STARD13: variants seen among roughly 807,000 people sequenced by gnomAD.
STARD13 encodes the protein stAR-related lipid transfer protein 13.
A neutral mutation model predicts 106.4 loss-of-function variants in STARD13; 62 were observed. The observed-to-expected ratio is 0.58, with a 90% CI of 0.48 to 0.72. The LOEUF is 0.72. Among genes scored for constraint, STARD13 ranks in the 30% least tolerant of loss-of-function variants. The pLI is 0.00. For synonymous variants in STARD13, 565 were observed against 553.0 expected (o/e 1.02, Z -0.31); for missense variants, 1,387 against 1,424.0 (o/e 0.97, Z 0.42).
At chr13:33,423,580 G>C in the STARD13 span, among the ~76,000 whole-genome samples, 1 of 152,092 alleles carries the variant, frequency 6.6e-6, no homozygotes, top group Admixed American at 6.5e-5. Context: ...TTGACCCAGC[G>C]ATCCCATTAC....
intron 3 of STARD13, among the ~76,000 whole-genome samples, chr13:33,149,707 G>C (rs1881014123): frequency 6.6e-6 from 1 of 152,146 alleles, no homozygotes; most frequent in Non-Finnish European, 1.5e-5. Context: ...ATAAACAATG[G>C]CTAGATTCTG....
At chr13:33,630,904 A>G in the STARD13 span, among the ~76,000 whole-genome samples, 1 of 152,330 alleles carries the variant, frequency 6.6e-6, no homozygotes, top group African/African-American at 2.4e-5. Context: ...TCTTACTGGT[A>G]TAGTTACTGA....
the STARD13 span, among the ~76,000 whole-genome samples, chr13:33,650,982 A>C: frequency 6.6e-6 from 1 of 152,240 alleles, no homozygotes; most frequent in African/African-American, 2.4e-5. Flanking sequence ...GTGAAAAATA[A>C]ATTTCTGTTT....
the STARD13 span, among the ~76,000 whole-genome samples, chr13:33,578,615 C>A: frequency 6.6e-6 from 1 of 151,978 alleles, no homozygotes; most frequent in Non-Finnish European, 1.5e-5. Context: ...ATTAAGACCC[C>A]AAAATCAAAT....
intron 1 of STARD13, among the ~76,000 whole-genome samples, chr13:33,263,669 A>T (rs148740734): frequency 2.0e-4 from 31 of 152,278 alleles, no homozygotes; most frequent in Admixed American, 1.3e-4. Flanking sequence ...AATTGGTGCA[A>T]TGCAGCTGGC....
the STARD13 span, among the ~76,000 whole-genome samples, chr13:33,410,060 C>T: frequency 3.3e-4 from 50 of 152,332 alleles, no homozygotes; most frequent in African/African-American, 1.1e-3. Context: ...CAGAATTCCT[C>T]TAATCTGCCA....
chr13:33,650,164 A>ATGT, the STARD13 span, among the ~76,000 whole-genome samples: 25 of 48,374 alleles, frequency 5.2e-4, 2 homozygotes, highest in African/African-American at 1.9e-3. Context: ...CGTGACTCCA[A>ATGT]TTTTTTTTTT....
chr13:33,627,473 C>G, the STARD13 span, among the ~76,000 whole-genome samples: 1 of 151,986 alleles, frequency 6.6e-6, no homozygotes, highest in Admixed American at 6.5e-5. Context: ...CCCGTCTCTA[C>G]TAAAAATACA....
At position 33,350,545 on chromosome 13, in the gene STARD13, C is replaced by A. The variant is rs2078066643; in HGVS notation, c.-132G>T. 3 of 1,431,270 alleles carry A rather than the reference C, an allele frequency of 2.1e-6. No individual in the cohort carries two copies. The Admixed American group carries it at 7.3e-5, about 35-fold the overall frequency. 88.7% of individuals were successfully genotyped at this position (1,431,270 alleles called of 1,614,324 possible). On this transcript the variant is annotated 5_prime_UTR_variant, in exon 1 of 2. Transcript: ENST00000439831. Reference sequence around the variant, plus strand: ...GGGGTCCCGGGACCCAATGCGGGCGCGACATGGGTCGGTCCGGCGCTGGGA... The same window carrying A: ...GGGGTCCCGGGACCCAATGCGGGCGAGACATGGGTCGGTCCGGCGCTGGGA...
intron 1 of STARD13, among the ~76,000 whole-genome samples, chr13:33,235,167 A>T (rs1889125520): frequency 6.6e-6 from 1 of 152,158 alleles, no homozygotes; most frequent in Non-Finnish European, 1.5e-5. Context: ...GGCTTGGGAT[A>T]TTTTTTAAAT....
intron 1 of STARD13, among the ~76,000 whole-genome samples, chr13:33,229,616 C>CCA (rs894608064): frequency 5.3e-5 from 8 of 152,014 alleles, no homozygotes; most frequent in Non-Finnish European, 7.4e-5. Context: ...TGCACACACA[C>CCA]CACACACACA....
the STARD13 span, among the ~76,000 whole-genome samples, chr13:33,621,597 G>A: frequency 1.0e-4 from 15 of 147,732 alleles, no homozygotes; most frequent in Non-Finnish European, 5.9e-5. Context: ...GAAGAATGGC[G>A]TGAACCCGGG....
chr13:33,122,423 A>G (rs511212), intron 7 of STARD13, among the ~76,000 whole-genome samples: 46,089 of 152,190 alleles, frequency 0.3, 8,141 homozygotes, highest in Non-Finnish European at 0.41. Flanking sequence ...AGCCTGGGCC[A>G]TCACACAGGG....
At chr13:33,498,094 C>T in the STARD13 span, among the ~76,000 whole-genome samples, 102 of 152,260 alleles carry the variant, frequency 6.7e-4, no homozygotes, top group Admixed American at 2.3e-3. Context: ...GAACTAGAAG[C>T]TACTGATACT....
At chr13:33,416,329 T>C in the STARD13 span, among the ~76,000 whole-genome samples, 3 of 152,188 alleles carry the variant, frequency 2.0e-5, no homozygotes, top group African/African-American at 7.2e-5. Context: ...GACTAGACAG[T>C]AGATTCCATT....
At chr13:33,276,209 T>C (rs1270862316) in intron 1 of STARD13, 1 of 152,186 alleles carries the variant, frequency 6.6e-6, no homozygotes, top group African/African-American at 2.4e-5. Context: ...CTTTCCTATC[T>C]GAAAGAGACC....
At chr13:33,194,353 A>G (rs527980052) in intron 1 of STARD13, among the ~76,000 whole-genome samples, 56 of 152,308 alleles carry the variant, frequency 3.7e-4, no homozygotes, top group African/African-American at 1.2e-3. Flanking sequence ...TTCATTATGG[A>G]AACATTCTGC....
chr13:33,157,464 T>C (rs1170326113), intron 3 of STARD13, among the ~76,000 whole-genome samples: 1 of 152,146 alleles, frequency 6.6e-6, no homozygotes, highest in Non-Finnish European at 1.5e-5. Flanking sequence ...GGTCACGAGT[T>C]TGAAACCAGC....
In STARD13 at chr13:33,133,504, A is replaced by G. The variant is rs538513789; in HGVS notation, c.388-3215T>C. Among the ~76,000 whole-genome samples, 97 of 152,366 alleles carry G rather than the reference A, an allele frequency of 6.4e-4. 1 individual carries two copies. The highest frequency in any genetic ancestry group is 2.3e-3 in the African/African-American group (96 of 41,588). On this transcript the variant is annotated intron_variant, in intron 4 of 13. Transcript: ENST00000336934. ...GTCTTCTTTGGCACCCTGTGCCTAC[A>G]ACGATCATGGTATGTTCCAAAGGGT...
Sources: gnomAD v4.1 joint callset for allele counts (sites outside exome capture counted in the v4.1 genomes callset) on GRCh38, gnomAD v4.1.1 for gene constraint, MANE v1.5 for transcripts, NCBI Gene and HGNC (gene_info 2026-07-23, HGNC 2026-07-21) for gene names.